Variants in SVOPL observed in about 807,000 individuals in gnomAD.
SVOPL encodes the protein SVOP like, also known as putative transporter SVOPL.
SVOPL carries 60 observed loss-of-function variants against 61.0 expected under a neutral mutation model. That is an observed-to-expected ratio of 0.98 (90% confidence interval 0.80 to 1.22). SVOPL has a LOEUF of 1.22. Ranked by LOEUF, SVOPL falls within the 50% of genes most tolerant of loss-of-function variation. The pLI, the probability that SVOPL is intolerant of heterozygous loss-of-function variation, is 0.00. For synonymous variants in SVOPL, 279 were observed against 250.0 expected, an observed-to-expected ratio of 1.12 and a Z score of -1.09; for missense variants, 662 against 643.9, an observed-to-expected ratio of 1.03 and a Z score of -0.30.
intron 1 of SVOPL, among the ~76,000 whole-genome samples, chr7:138,680,769 G>A (rs376233667): frequency 7.2e-5 from 11 of 152,132 alleles, no homozygotes; most frequent in Non-Finnish European, 1.3e-4. Flanking sequence ...TAGTAGACAC[G>A]GAGTTTCACC....
At chr7:138,602,441 CTATATATATATA>C (rs59400217) in intron 14 of SVOPL, among the ~76,000 whole-genome samples, 10 of 140,752 alleles carry the variant, frequency 7.1e-5, no homozygotes, top group South Asian at 4.6e-4. Flanking sequence ...AAGGCAGTTG[CTATATATATATA>C]TATATATATA....
intron 14 of SVOPL, among the ~76,000 whole-genome samples, chr7:138,611,889 G>A (rs1584779351): frequency 6.9e-5 from 5 of 72,774 alleles, no homozygotes; most frequent in Admixed American, 2.2e-4. Context: ...CCCCGTCTGG[G>A]AGGTGTGCCC....
At chr7:138,616,076 C>T (rs957719811) in intron 14 of SVOPL, among the ~76,000 whole-genome samples, 5 of 152,162 alleles carry the variant, frequency 3.3e-5, no homozygotes, top group African/African-American at 9.7e-5. Flanking sequence ...GTCTCCAAGC[C>T]GAGAAGAGAG....
chr7:138,621,786 C>G (rs1217702208), intron 13 of SVOPL, among the ~76,000 whole-genome samples: 1 of 140,272 alleles, frequency 7.1e-6, no homozygotes, highest in Admixed American at 7.2e-5. Context: ...CATATTCTAT[C>G]TATCTATCTA....
intron 3 of SVOPL, among the ~76,000 whole-genome samples, chr7:138,673,529 C>T (rs77305299): frequency 0.021 from 3,207 of 152,056 alleles, 119 homozygotes; most frequent in African/African-American, 0.074. Flanking sequence ...CGGTACTGCA[C>T]GCCTACTCAG....
rs1584760321 is a variant in SVOPL at position 138,596,398 on chromosome 7, A to C, written c.1467+19T>G. The C allele has an allele frequency of 6.2e-7, 1 of 1,611,438 alleles. No homozygotes were observed. The highest frequency in any genetic ancestry group is 2.2e-5 in the East Asian group (1 of 44,822). ...AAAGTGGTAGTTGAAAAGACTTCAG[A>C]GTTCCCTGCATCACTCACCTGGAGG... On this transcript the variant is annotated intron_variant, in intron 15 of 15. Coordinates refer to ENST00000674285, the MANE Select transcript of SVOPL (RefSeq NM_001139456.2).
chr7:138,633,689 C>T (rs547630376), intron 9 of SVOPL, among the ~76,000 whole-genome samples: 15 of 149,830 alleles, frequency 1.0e-4, no homozygotes, highest in South Asian at 8.3e-4. Flanking sequence ...ATAATAATGG[C>T]GGTAACACTC....
chr7:138,658,888 A>G (rs1459810832), intron 6 of SVOPL, among the ~76,000 whole-genome samples: 3 of 145,308 alleles, frequency 2.1e-5, no homozygotes, highest in African/African-American at 7.5e-5. Flanking sequence ...CCCAACCCCA[A>G]CCCCATTCAT....
intron 9 of SVOPL, among the ~76,000 whole-genome samples, chr7:138,644,197 C>CAAAAAAA (rs71179714): frequency 9.9e-5 from 5 of 50,408 alleles, no homozygotes; most frequent in East Asian, 7.6e-4. Context: ...AAGACTCCAT[C>CAAAAAAA]AAAAAAAAAA....
intron 9 of SVOPL, among the ~76,000 whole-genome samples, chr7:138,644,484 G>A (rs1800992141): frequency 1.3e-5 from 2 of 152,184 alleles, no homozygotes; most frequent in Non-Finnish European, 1.5e-5. Flanking sequence ...AGCTCTGCAA[G>A]GTGGGTGTTA....
intron 8 of SVOPL, among the ~76,000 whole-genome samples, chr7:138,648,532 C>A (rs1801241199): frequency 2.9e-5 from 3 of 104,056 alleles, no homozygotes; most frequent in African/African-American, 4.8e-5. Context: ...TACTAAAAAT[C>A]CAAAAAAAAA....
At chr7:138,691,299 C>A (rs1464410625) in intron 1 of SVOPL, among the ~76,000 whole-genome samples, 1 of 152,144 alleles carries the variant, frequency 6.6e-6, no homozygotes, top group African/African-American at 2.4e-5. Context: ...AGTTCAGTTA[C>A]AACTAAAATG....
At chr7:138,622,659 G>A (rs1302386891) in intron 13 of SVOPL, among the ~76,000 whole-genome samples, 8 of 149,794 alleles carry the variant, frequency 5.3e-5, no homozygotes, top group South Asian at 2.1e-4. Context: ...ACAAGACCTC[G>A]CTATGTTGCC....
chr7:138,601,302 G>A (rs888099092), intron 14 of SVOPL, among the ~76,000 whole-genome samples: 2 of 150,874 alleles, frequency 1.3e-5, no homozygotes, highest in African/African-American at 2.4e-5. Flanking sequence ...AAAGATATCT[G>A]CACTCCTACC....
intron 3 of SVOPL, among the ~76,000 whole-genome samples, chr7:138,674,040 T>C (rs1268858434): frequency 6.6e-6 from 1 of 151,824 alleles, no homozygotes; most frequent in African/African-American, 2.4e-5. Context: ...CAAAATAAAT[T>C]AGCTGGGCGT....
chr7:138,642,831 C>CAAAAAAAAA (rs749603417), intron 9 of SVOPL, among the ~76,000 whole-genome samples: 358 of 26,686 alleles, frequency 0.013, 9 homozygotes, highest in African/African-American at 0.026. Context: ...CTCCTACCTC[C>CAAAAAAAAA]AAAAAAAAAA....
At chr7:138,697,642 A>G (rs995841511) in intron 1 of SVOPL, among the ~76,000 whole-genome samples, 14 of 132,796 alleles carry the variant, frequency 1.1e-4, no homozygotes, top group African/African-American at 3.8e-4. Context: ...AAGAAGAAGA[A>G]GTGGAAGAGG....
chr7:138,597,825 C>T (rs1260263987), intron 14 of SVOPL, among the ~76,000 whole-genome samples: 2 of 152,140 alleles, frequency 1.3e-5, no homozygotes, highest in South Asian at 4.1e-4. Context: ...ATTCTCGCCA[C>T]CACCAGAATG....
At chr7:138,673,811 T>C (rs77201052) in intron 3 of SVOPL, among the ~76,000 whole-genome samples, 1,907 of 152,176 alleles carry the variant, frequency 0.013, 23 homozygotes, top group South Asian at 0.064. Flanking sequence ...ATAGTAGCCT[T>C]AGGGGAGAGG....
Sources: gnomAD v4.1 joint callset for allele counts (sites outside exome capture counted in the v4.1 genomes callset) on GRCh38, gnomAD v4.1.1 for gene constraint, MANE v1.5 for transcripts, NCBI Gene and HGNC (gene_info 2026-07-23, HGNC 2026-07-21) for gene names.